The following MEGF10 variants were observed in gnomAD, a reference collection of about 807,000 sequenced individuals.
MEGF10 encodes the protein multiple epidermal growth factor-like domains protein 10.
In MEGF10, 86 loss-of-function variants were observed where a neutral mutation model predicts 147.5. The observed-to-expected ratio is 0.58, with a 90% CI of 0.49 to 0.70. The LOEUF (loss-of-function observed/expected upper bound fraction) is 0.70. Ranked by LOEUF, MEGF10 falls within the 30% of genes least tolerant of loss-of-function variation. The pLI is 0.00. For synonymous variants in MEGF10, 478 were observed against 525.5 expected (o/e 0.91, Z 1.24); for missense variants, 1,329 against 1,487.3 (o/e 0.89, Z 1.75).
chr5:127,455,346 A>G, intron 23 of MEGF10, 55 bp from the exon 24 acceptor site: 1 of 1,418,094 alleles, frequency 7.1e-7, no homozygotes, highest in Non-Finnish European at 9.8e-7. Flanking sequence ...TATCACCAAG[A>G]AATGATGTTG....
chr5:127,346,061 G>GTGTA (rs141364467), intron 4 of MEGF10, among the ~76,000 whole-genome samples: 8 of 152,154 alleles, frequency 5.3e-5, no homozygotes, highest in African/African-American at 7.2e-5. Context: ...ATTCCATGGT[G>GTGTA]TGTATGTATG....
At chr5:127,386,328 C>A (rs534945480) in intron 5 of MEGF10, among the ~76,000 whole-genome samples, 1 of 152,298 alleles carries the variant, frequency 6.6e-6, no homozygotes, top group African/African-American at 2.4e-5. Context: ...GAAGAAAAAT[C>A]AAGGCAGTGA....
the MEGF10 span, among the ~76,000 whole-genome samples, chr5:127,230,458 G>T: frequency 6.6e-6 from 1 of 152,146 alleles, no homozygotes. Context: ...CCACCCCAGG[G>T]AGGGAAGGAC....
At chr5:127,437,774 TA>T (rs1366809816) in intron 16 of MEGF10, among the ~76,000 whole-genome samples, 7 of 152,164 alleles carry the variant, frequency 4.6e-5, no homozygotes, top group African/African-American at 1.7e-4. Context: ...CCTCAATATT[TA>T]AAAGGAGCCT....
the MEGF10 span, among the ~76,000 whole-genome samples, chr5:127,236,678 C>T: frequency 6.6e-6 from 1 of 152,218 alleles, no homozygotes; most frequent in Non-Finnish European, 1.5e-5. Context: ...TCTTCTTAAA[C>T]TTACTGTCTC....
At chr5:127,441,854 G>A (rs980730259) in intron 18 of MEGF10, among the ~76,000 whole-genome samples, 1 of 152,144 alleles carries the variant, frequency 6.6e-6, no homozygotes, top group African/African-American at 2.4e-5. Context: ...GAACCTGGTT[G>A]CCTCAATTTT....
At chr5:127,415,414 T>C (rs1290900987) in intron 9 of MEGF10, among the ~76,000 whole-genome samples, 1 of 152,144 alleles carries the variant, frequency 6.6e-6, no homozygotes, top group Non-Finnish European at 1.5e-5. Context: ...GAGAATGATA[T>C]GATTTACTCT....
At chr5:127,310,701 A>C (rs1189164036) in intron 1 of MEGF10, among the ~76,000 whole-genome samples, 1 of 152,184 alleles carries the variant, frequency 6.6e-6, no homozygotes, top group African/African-American at 2.4e-5. Context: ...ACAAAGGCTC[A>C]TTTATGGATA....
At chr5:127,390,472 G>A (rs1763603799) in intron 5 of MEGF10, among the ~76,000 whole-genome samples, 1 of 152,016 alleles carries the variant, frequency 6.6e-6, no homozygotes, top group African/African-American at 2.4e-5. Context: ...GTATATTTTT[G>A]TAGAGATAGG....
intron 1 of MEGF10, among the ~76,000 whole-genome samples, chr5:127,325,975 C>T (rs966273137): frequency 6.7e-6 from 1 of 149,638 alleles, no homozygotes; most frequent in Admixed American, 6.7e-5. Flanking sequence ...ACAATCACAG[C>T]TCACTGTAGC....
chr5:127,403,914 A>G (rs938494796), intron 8 of MEGF10, among the ~76,000 whole-genome samples: 1 of 152,220 alleles, frequency 6.6e-6, no homozygotes, highest in Non-Finnish European at 1.5e-5. Flanking sequence ...AGGAGTGCAG[A>G]TATCACTTCC....
intron 10 of MEGF10, among the ~76,000 whole-genome samples, chr5:127,418,780 T>A (rs1447564793): frequency 6.6e-6 from 1 of 152,242 alleles, no homozygotes; most frequent in African/African-American, 2.4e-5. Flanking sequence ...AGAGTAATTT[T>A]ACAGATACAA....
the MEGF10 span, among the ~76,000 whole-genome samples, chr5:127,276,604 G>C: frequency 9.9e-5 from 15 of 152,162 alleles, no homozygotes; most frequent in African/African-American, 3.6e-4. Flanking sequence ...TAATTTCCAA[G>C]TGGAAAACAA....
At chr5:127,256,423 T>G in the MEGF10 span, among the ~76,000 whole-genome samples, 1 of 152,214 alleles carries the variant, frequency 6.6e-6, no homozygotes, top group African/African-American at 2.4e-5. Context: ...TGATGTTTCC[T>G]GTTAATAATT....
chr5:127,390,444 C>G (rs376279491), intron 5 of MEGF10, among the ~76,000 whole-genome samples: 1 of 152,218 alleles, frequency 6.6e-6, no homozygotes, highest in East Asian at 1.9e-4. Context: ...TGCAAGCCAG[C>G]ACGCTGGGCT....
intron 5 of MEGF10, among the ~76,000 whole-genome samples, chr5:127,384,171 CT>C: frequency 6.6e-6 from 1 of 152,308 alleles, no homozygotes; most frequent in Admixed American, 6.5e-5. Context: ...CTAGCACATT[CT>C]TTTGTGATAA....
chr5:127,400,574 G>A (rs1454970159), intron 7 of MEGF10, among the ~76,000 whole-genome samples: 4 of 152,190 alleles, frequency 2.6e-5, no homozygotes, highest in Non-Finnish European at 5.9e-5. Context: ...GTATTTTGCT[G>A]GAGCAGCAGA....
intron 4 of MEGF10, among the ~76,000 whole-genome samples, chr5:127,345,767 C>T (rs1384768035): frequency 6.6e-6 from 1 of 151,996 alleles, no homozygotes; most frequent in Non-Finnish European, 1.5e-5. Context: ...TCTTTATTGG[C>T]GAATTCTGAG....
At chr5:127,288,281 G>T (rs1241730165), upstream of MEGF10, among the ~76,000 whole-genome samples, 1 of 152,012 alleles carries the variant, frequency 6.6e-6, no homozygotes, top group African/African-American at 2.4e-5. Flanking sequence ...ACTGCTGTTT[G>T]AAAGACACTA....
Sources: gnomAD v4.1 joint callset for allele counts (sites outside exome capture counted in the v4.1 genomes callset) on GRCh38, gnomAD v4.1.1 for gene constraint, MANE v1.5 for transcripts, NCBI Gene and HGNC (gene_info 2026-07-23, HGNC 2026-07-21) for gene names.